Variants in RSU1 observed in about 807,000 individuals in gnomAD.
RSU1 encodes the protein Ras suppressor protein 1, also known as rsu-1.
Under a neutral mutation model 31.1 loss-of-function variants are expected in RSU1, and 26 were observed. That is an observed-to-expected ratio of 0.84 (90% CI 0.61 to 1.16). RSU1 has a LOEUF of 1.16. Ranked by LOEUF, RSU1 falls within the 50% of genes most tolerant of loss-of-function variation. RSU1 has a pLI of 0.00. For missense variants in RSU1, 320 were observed against 339.1 expected (o/e 0.94, Z 0.44); for synonymous variants, 164 against 136.3 (o/e 1.20, Z -1.41).
chr10:16,679,869 G>GTTTTT (rs71374699), intron 8 of RSU1, among the ~76,000 whole-genome samples: 5 of 124,648 alleles, frequency 4.0e-5, no homozygotes, highest in Admixed American at 1.6e-4. Context: ...AAAGACTCAA[G>GTTTTT]TTTTTTTTTT....
intron 8 of RSU1, among the ~76,000 whole-genome samples, chr10:16,680,207 G>A (rs1431661901): frequency 1.3e-5 from 2 of 151,960 alleles, no homozygotes; most frequent in African/African-American, 4.8e-5. Flanking sequence ...AAGAAATCTG[G>A]TCTCTTATTA....
chr10:16,784,104 C>A (rs891497151), intron 2 of RSU1, among the ~76,000 whole-genome samples: 1 of 147,568 alleles, frequency 6.8e-6, no homozygotes, highest in Non-Finnish European at 1.5e-5. Flanking sequence ...TTTTTTTTAA[C>A]ATGACCTTGC....
intron 7 of RSU1, among the ~76,000 whole-genome samples, chr10:16,720,884 G>T (rs769582067): frequency 1.3e-5 from 2 of 152,190 alleles, no homozygotes; most frequent in Non-Finnish European, 2.9e-5. Context: ...TGCTTGGGAG[G>T]CTGAGGTGGG....
In RSU1 at chr10:16,696,932, T is replaced by C. The variant is rs1341604176; in HGVS notation, c.599-1777A>G. Among the ~76,000 whole-genome samples, 4 of 152,186 alleles carry C rather than the reference T, an allele frequency of 2.6e-5. No individual in the cohort carries two copies. The South Asian group carries it at 8.3e-4, about 32-fold the overall frequency. ...ACATTTCTCTATAATTCTTATTTCC[T>C]CTTAAAATCTAGTTTGCTGCACTCA... On this transcript the variant is annotated intron_variant, in intron 7 of 8. Transcript: ENST00000345264.
intron 8 of RSU1, among the ~76,000 whole-genome samples, chr10:16,691,893 C>T (rs1267457014): frequency 6.6e-6 from 1 of 151,988 alleles, no homozygotes; most frequent in Admixed American, 6.6e-5. Context: ...CACCCACCAC[C>T]ACACTCGGCT....
At position 16,603,592 on chromosome 10, in the gene RSU1, C is replaced by T. The variant is rs1232197159; in HGVS notation, c.732-10096G>A. Reference sequence around the variant, plus strand: ...GAGAAAAATCAATAACTGCACCTTGCTTCCCTGCTTAAGCATTTAAGAAAA... The same window carrying T: ...GAGAAAAATCAATAACTGCACCTTGTTTCCCTGCTTAAGCATTTAAGAAAA... On this transcript the variant is annotated intron_variant, in intron 8 of 8. Coordinates refer to ENST00000345264, the MANE Select transcript of RSU1 (RefSeq NM_012425.4). Among the ~76,000 whole-genome samples the T allele has an allele frequency of 6.6e-5, 10 of 152,186 alleles. No individual in the cohort carries two copies. The East Asian group carries it at 1.7e-3, about 26-fold the overall frequency.
intron 7 of RSU1, among the ~76,000 whole-genome samples, chr10:16,737,126 G>A (rs1025568356): frequency 6.6e-6 from 1 of 151,894 alleles, no homozygotes; most frequent in Non-Finnish European, 1.5e-5. Context: ...CAAGAGTAAT[G>A]TAAGTTCTAG....
At chr10:16,672,747 A>AATAT (rs1835134362) in intron 8 of RSU1, among the ~76,000 whole-genome samples, 1 of 152,162 alleles carries the variant, frequency 6.6e-6, no homozygotes, top group Non-Finnish European at 1.5e-5. Context: ...ACAAATGAGA[A>AATAT]ATATGGTTTA....
At chr10:16,736,748 G>C (rs1836636451) in intron 7 of RSU1, among the ~76,000 whole-genome samples, 1 of 151,830 alleles carries the variant, frequency 6.6e-6, no homozygotes, top group African/African-American at 2.4e-5. Flanking sequence ...TACATTACCA[G>C]ATAAAAATGT....
At chr10:16,774,023 T>C (rs1401560783) in intron 3 of RSU1, among the ~76,000 whole-genome samples, 3 of 151,818 alleles carry the variant, frequency 2.0e-5, no homozygotes, top group African/African-American at 7.3e-5. Flanking sequence ...TGGTTATCAA[T>C]TGTATCTGAG....
intron 4 of RSU1, among the ~76,000 whole-genome samples, chr10:16,758,691 T>TA (rs1446228479): frequency 1.3e-5 from 2 of 152,196 alleles, no homozygotes; most frequent in Non-Finnish European, 2.9e-5. Context: ...GGCTCACACG[T>TA]GGCTTCTCAG....
intron 8 of RSU1, among the ~76,000 whole-genome samples, chr10:16,628,593 TTTG>T (rs1834196745): frequency 6.6e-6 from 1 of 152,220 alleles, no homozygotes; most frequent in Non-Finnish European, 1.5e-5. Flanking sequence ...AGGAAAGGCA[TTTG>T]TTAATGCATG....
rs76270048 is a variant in RSU1, at chr10:16,744,901, T to A, written c.598+7638A>T. Among the ~76,000 whole-genome samples the A allele has an allele frequency of 1.1e-4, 16 of 152,320 alleles. No homozygotes were observed. The East Asian group carries it at 3.1e-3, about 29-fold the overall frequency. ...TGCCCCTTCTTTTCCCTCGCTTTTC[T>A]CTTCTGACCCTTCCTATGTGCCTCA... On this transcript the variant is annotated intron_variant, in intron 7 of 8. Coordinates refer to ENST00000345264, the MANE Select transcript of RSU1 (RefSeq NM_012425.4).
intron 7 of RSU1, chr10:16,727,044 G>C (rs1187664623): frequency 2.2e-6 from 1 of 456,364 alleles, no homozygotes; most frequent in Admixed American, 2.4e-5. Flanking sequence ...AAGTTAATGA[G>C]GGAAGAGTTT....
intron 8 of RSU1, among the ~76,000 whole-genome samples, chr10:16,623,038 C>T (rs1486428024): frequency 2.7e-5 from 4 of 150,150 alleles, no homozygotes; most frequent in African/African-American, 7.3e-5. Flanking sequence ...TTTTTTTTTT[C>T]CCCCAACTTT....
chr10:16,604,178 T>G (rs1333587820), intron 8 of RSU1, among the ~76,000 whole-genome samples: 1 of 152,166 alleles, frequency 6.6e-6, no homozygotes, highest in African/African-American at 2.4e-5. Flanking sequence ...CTTGAACGTA[T>G]GGGGAAATAA....
chr10:16,600,551 CGT>C lies in RSU1; in HGVS notation c.732-7057_732-7056del, dbSNP rs1390751384. Reference sequence around the variant, plus strand: ...TATGCATGATTTTCTATTACTGACACGTGTTTTTTTTTTTTTAGGGGGGGGTG... The same window carrying C: ...TATGCATGATTTTCTATTACTGACACGTTTTTTTTTTTTTAGGGGGGGGTG... On this transcript the variant is annotated intron_variant, in intron 8 of 8. Transcript: ENST00000345264. Among the ~76,000 whole-genome samples, 4 of 133,474 alleles carry C rather than the reference CGT, an allele frequency of 3.0e-5. No homozygotes were observed. The East Asian group carries it at 8.0e-4, about 27-fold the overall frequency. The allele number at this position is 133,474 out of a possible 152,430, so 87.6% of individuals were successfully genotyped here.
intron 7 of RSU1, among the ~76,000 whole-genome samples, chr10:16,710,468 CTGT>C (rs1406215918): frequency 6.6e-6 from 1 of 151,960 alleles, no homozygotes; most frequent in Non-Finnish European, 1.5e-5. Flanking sequence ...TGTAGTTTTG[CTGT>C]TGTTGTTGTA....
At chr10:16,745,054 T>G (rs1325874021) in intron 7 of RSU1, among the ~76,000 whole-genome samples, 1 of 152,304 alleles carries the variant, frequency 6.6e-6, no homozygotes, top group East Asian at 1.9e-4. Context: ...AGGCACTCGG[T>G]AACTAACTGC....
Sources: gnomAD v4.1 joint callset for allele counts (sites outside exome capture counted in the v4.1 genomes callset) on GRCh38, gnomAD v4.1.1 for gene constraint, MANE v1.5 for transcripts, NCBI Gene and HGNC (gene_info 2026-07-23, HGNC 2026-07-21) for gene names.